SPATS2L: variants seen among roughly 807,000 people sequenced by gnomAD.
SPATS2L encodes the protein spermatogenesis associated serine rich 2 like.
A neutral mutation model predicts 59.6 loss-of-function variants in SPATS2L; 30 were observed. The ratio of observed to expected loss-of-function variants is 0.50; its 90% CI spans 0.38 to 0.68. The LOEUF (loss-of-function observed/expected upper bound fraction) is 0.68. SPATS2L is among the 30% of genes least tolerant of loss of function. The pLI is 0.00. For missense variants in SPATS2L, 615 were observed against 700.0 expected, an observed-to-expected ratio of 0.88 and a Z score of 1.37; for synonymous variants, 252 against 263.5, an observed-to-expected ratio of 0.96 and a Z score of 0.42.
chr2:200,430,930 C>A (rs1285826443), intron 6 of SPATS2L, among the ~76,000 whole-genome samples: 2 of 152,038 alleles, frequency 1.3e-5, no homozygotes, highest in African/African-American at 4.8e-5. Flanking sequence ...TTTGGCCAGG[C>A]TGGTCTGGAA....
At chr2:200,373,446 G>A (rs1353383151) in intron 2 of SPATS2L, among the ~76,000 whole-genome samples, 1 of 152,140 alleles carries the variant, frequency 6.6e-6, no homozygotes, top group Non-Finnish European at 1.5e-5. Context: ...AAGACTGGCT[G>A]GTAGCCATTC....
At chr2:200,375,827 G>A (rs1322231275) in intron 2 of SPATS2L, among the ~76,000 whole-genome samples, 1 of 151,986 alleles carries the variant, frequency 6.6e-6, no homozygotes, top group Non-Finnish European at 1.5e-5. Context: ...GGGTTTCACC[G>A]TGTTGCCCAG....
intron 2 of SPATS2L, among the ~76,000 whole-genome samples, chr2:200,386,251 G>A (rs1324614749): frequency 6.6e-5 from 10 of 152,170 alleles, no homozygotes; most frequent in Admixed American, 5.9e-4. Flanking sequence ...GCAAGGAATG[G>A]GTCCCTGTAA....
At chr2:200,474,822 T>A (rs930326799) in intron 12 of SPATS2L, among the ~76,000 whole-genome samples, 7 of 152,208 alleles carry the variant, frequency 4.6e-5, no homozygotes, top group Admixed American at 3.9e-4. Flanking sequence ...CAGGCAAGAA[T>A]GGCCCTTGGA....
intron 6 of SPATS2L, among the ~76,000 whole-genome samples, chr2:200,427,891 G>A (rs1161237132): frequency 6.6e-6 from 1 of 152,000 alleles, no homozygotes; most frequent in East Asian, 1.9e-4. Flanking sequence ...TGGGCAACAT[G>A]GCAAACCCCA....
In SPATS2L at chr2:200,451,830, TTCTTTTC is replaced by T. The variant is rs1277974675; in HGVS notation, c.789-7937_789-7931del. 8.2e-5 allele frequency among the ~76,000 whole-genome samples: 10 copies of T among 122,332 alleles called. No individual in the cohort carries two copies. The East Asian group carries it at 2.0e-3, about 25-fold the overall frequency. 80.3% of individuals were successfully genotyped at this position (122,332 alleles called of 152,430 possible). On this transcript the variant is annotated intron_variant, in intron 8 of 12. Transcript: ENST00000409140. ...CCCCTTGCCCCCACCGTTTTCTTTTTTCTTTTCTTTTTTTGGAAGGAAATACAACAGT... is the reference window on the plus strand; with the variant it reads ...CCCCTTGCCCCCACCGTTTTCTTTTTTTTTTTTGGAAGGAAATACAACAGT...
intron 8 of SPATS2L, among the ~76,000 whole-genome samples, chr2:200,445,774 T>C (rs368688376): frequency 3.5e-5 from 5 of 143,258 alleles, no homozygotes; most frequent in South Asian, 2.3e-4. Context: ...GTTTTTTTTT[T>C]CCCTACCCAT....
intron 2 of SPATS2L, among the ~76,000 whole-genome samples, chr2:200,367,649 G>A (rs2081306248): frequency 6.6e-6 from 1 of 152,170 alleles, no homozygotes; most frequent in South Asian, 2.1e-4. Context: ...AAAGTAGATT[G>A]AAAAAGTTAA....
At chr2:200,373,676 A>G (rs1179259913) in intron 2 of SPATS2L, among the ~76,000 whole-genome samples, 2 of 152,208 alleles carry the variant, frequency 1.3e-5, no homozygotes, top group Non-Finnish European at 2.9e-5. Flanking sequence ...AGGAATCTTA[A>G]ATATAATTTA....
At chr2:200,436,532 T>C (rs2084305379) in intron 6 of SPATS2L, among the ~76,000 whole-genome samples, 1 of 152,214 alleles carries the variant, frequency 6.6e-6, no homozygotes, top group Non-Finnish European at 1.5e-5. Context: ...TGATATCTGA[T>C]GGGGAATGTT....
At chr2:200,387,354 C>T (rs1012170357) in intron 2 of SPATS2L, among the ~76,000 whole-genome samples, 1 of 152,184 alleles carries the variant, frequency 6.6e-6, no homozygotes, top group African/African-American at 2.4e-5. Context: ...TTTGGGAAAG[C>T]GCTGCTTTAC....
chr2:200,398,079 G>A lies in SPATS2L; in HGVS notation c.39+8796G>A, dbSNP rs533119028. Among the ~76,000 whole-genome samples, 4 of 152,282 alleles carry A rather than the reference G, an allele frequency of 2.6e-5. No homozygotes were observed. In the East Asian group the frequency reaches 7.7e-4, roughly 29 times the overall value. Reference sequence around the variant, plus strand: ...GCTGATGAGGAGTGTTTAGGCCAACGTTGCCCACTGGGGGAATGTTCAGAA... The same window carrying A: ...GCTGATGAGGAGTGTTTAGGCCAACATTGCCCACTGGGGGAATGTTCAGAA... On this transcript the variant is annotated intron_variant, in intron 3 of 12. Coordinates refer to ENST00000409140, the MANE Select transcript of SPATS2L (RefSeq NM_001100423.2).
intron 2 of SPATS2L, among the ~76,000 whole-genome samples, chr2:200,370,514 T>C (rs1038523010): frequency 6.6e-6 from 1 of 152,194 alleles, no homozygotes; most frequent in African/African-American, 2.4e-5. Context: ...GGGTAACCAG[T>C]ATAGACTCTG....
In SPATS2L at chr2:200,352,587, TC is replaced by T. The variant is rs1307901734; in HGVS notation, c.-23+23109del. On this transcript the variant is annotated intron_variant, in intron 2 of 12. Coordinates refer to ENST00000409140, the MANE Select transcript of SPATS2L (RefSeq NM_001100423.2). ...AATGGCAGGGGGCCTTAGCCTCTGT[TC>T]CTGAAGGCTCTTTTCCTCCTGCTCC... Among the ~76,000 whole-genome samples, 12 of 152,084 alleles carry T rather than the reference TC, an allele frequency of 7.9e-5. No homozygotes were observed. The East Asian group carries it at 1.5e-3, about 20-fold the overall frequency.
chr2:200,479,606 C>G lies in SPATS2L; in HGVS notation c.*1575C>G. 2.5e-6 allele frequency: 1 copy of G among 398,660 alleles called. No individual in the cohort carries two copies. Among genetic ancestry groups the G allele is most frequent in the Non-Finnish European group, 4.4e-6 (1 of 226,090 alleles). The allele number at this position is 398,660 out of a possible 1,614,324, so 24.7% of individuals were successfully genotyped here. A position where few individuals can be genotyped will look rare whatever the true frequency, so the allele number is the denominator to read the frequency against. On this transcript the variant is annotated 3_prime_UTR_variant, in exon 13 of 13. Coordinates refer to ENST00000409140, the MANE Select transcript of SPATS2L (RefSeq NM_001100423.2). ...GCCCAAACCCAAAATAGCCCCAGTT[C>G]CCCTAACTTTGACTACAGGGCAGTC...
intron 10 of SPATS2L, among the ~76,000 whole-genome samples, chr2:200,468,177 G>C (rs1201822931): frequency 6.6e-6 from 1 of 151,960 alleles, no homozygotes; most frequent in Admixed American, 6.6e-5. Context: ...GGCCCAGAGA[G>C]GGTGTGACAT....
At position 200,440,556 on chromosome 2, in the gene SPATS2L, T is replaced by C; in HGVS notation, c.653-93T>C. ...TTACTAGACAAAAGATGAGTCCCTT[T>C]TTCTGGTGGGCTAATTGCTTTGTTT... On this transcript the variant is annotated intron_variant, in intron 7 of 12. Transcript: ENST00000409140. 5 of 1,275,022 alleles carry C rather than the reference T, an allele frequency of 3.9e-6. No homozygotes were observed. The South Asian group carries it at 5.8e-5, about 15-fold the overall frequency. 79.0% of individuals were successfully genotyped at this position (1,275,022 alleles called of 1,614,324 possible).
intron 3 of SPATS2L, among the ~76,000 whole-genome samples, chr2:200,406,840 AAAG>A (rs1186711302): frequency 6.6e-6 from 1 of 152,224 alleles, no homozygotes; most frequent in Non-Finnish European, 1.5e-5. Flanking sequence ...TAATTAAATG[AAAG>A]AAGAAGAGGG....
intron 8 of SPATS2L, among the ~76,000 whole-genome samples, chr2:200,455,243 T>A (rs1158152455): frequency 6.6e-6 from 1 of 152,222 alleles, no homozygotes; most frequent in Non-Finnish European, 1.5e-5. Flanking sequence ...ATAATAAGTC[T>A]AAGATCATGA....
Sources: allele counts gnomAD v4.1 joint callset (sites outside exome capture counted in the v4.1 genomes callset), GRCh38; gene constraint gnomAD v4.1.1; transcripts MANE v1.5; gene names NCBI Gene and HGNC (gene_info 2026-07-23, HGNC 2026-07-21).